CYSLTR2: variants seen among roughly 807,000 people sequenced by gnomAD.
CYSLTR2 encodes G-protein coupled receptor GPCR21.
For synonymous variants in CYSLTR2, 179 were observed against 160.8 expected, an observed-to-expected ratio of 1.11 and a Z score of -0.86; for missense variants, 398 against 411.9, an observed-to-expected ratio of 0.97 and a Z score of 0.29.
Position 48,706,845 on chromosome 13 carries a change from C to T in CYSLTR2, c.28C>T (p.Pro10Ser). ...GGAGAGAAAATTTATGTCCTTGCAA[C>T]CATCCATCTCCGTATCAGAAATGGA... MERKFMSLQ[P>S]SISVSEMEPN... The change falls in exon 5 of 5, where the codon CCA becomes TCA. Residue 10 changes from proline (P) to serine (S), a missense_variant. Coordinates refer to ENST00000682523, the MANE Select transcript of CYSLTR2 (RefSeq NM_001308476.3). 6.2e-7 allele frequency: 1 copy of T among 1,613,206 alleles called. No homozygotes were observed. Among genetic ancestry groups the T allele is most frequent in the Non-Finnish European group, 8.5e-7 (1 of 1,179,314 alleles).
In CYSLTR2 at chr13:48,707,441, G is replaced by A. The variant is rs1300404248; in HGVS notation, c.624G>A (p.Val208=). ...LQTMNYIALV[V]GCLLPFFTLS... is the part of the protein sequence containing the mutation. ...CCATGAACTATATTGCCTTGGTGGT[G>A]GGCTGCCTGCTGCCATTTTTCACAC... The change falls in exon 5 of 5, where the codon GTG becomes GTA. Residue 208 remains valine (V), a synonymous_variant. Transcript: ENST00000682523. 6.2e-7 allele frequency: 1 copy of A among 1,613,844 alleles called. No individual in the cohort carries two copies. The highest frequency in any genetic ancestry group is 1.3e-5 in the African/African-American group (1 of 74,882).
In CYSLTR2 at chr13:48,707,947, C is replaced by A; in HGVS notation, c.*89C>A. ...AAATGACTTTGTATTTACATCACTC[C>A]CAACAAATGTTGATTCTTAATATTT... On this transcript the variant is annotated 3_prime_UTR_variant, in exon 5 of 5. Coordinates refer to ENST00000682523, the MANE Select transcript of CYSLTR2 (RefSeq NM_001308476.3). 1 of 1,080,336 alleles carries A rather than the reference C, an allele frequency of 9.3e-7. No homozygotes were observed. The highest frequency in any genetic ancestry group is 1.3e-6 in the Non-Finnish European group (1 of 785,126). The allele number at this position is 1,080,336 out of a possible 1,614,324, so 66.9% of individuals were successfully genotyped here. A position where few individuals can be genotyped will look rare whatever the true frequency, so the allele number is the denominator to read the frequency against.
rs188778216 is a variant in CYSLTR2 at position 48,661,342 on chromosome 13, G to A, written c.-266+7325G>A. On this transcript the variant is annotated intron_variant, in intron 1 of 4. Transcript: ENST00000682523. ...TAGAGGTAGTCCGTGAACAAATCAG[G>A]ATTTAAATCCTGAGGTTGCTGCTCT... 7.2e-5 allele frequency among the ~76,000 whole-genome samples: 11 copies of A among 152,148 alleles called. No homozygotes were observed. In the East Asian group the frequency reaches 1.7e-3, roughly 24 times the overall value.
intron 1 of CYSLTR2, among the ~76,000 whole-genome samples, chr13:48,684,113 CG>C (rs367983021): frequency 0.012 from 1,794 of 151,314 alleles, 38 homozygotes; most frequent in African/African-American, 0.039. Flanking sequence ...TTGTAGAGAT[CG>C]GGGGGGGTCT....
intron 1 of CYSLTR2, among the ~76,000 whole-genome samples, chr13:48,690,633 A>G (rs941986487): frequency 6.6e-6 from 1 of 152,128 alleles, no homozygotes; most frequent in Non-Finnish European, 1.5e-5. Context: ...AAGCTTTTTG[A>G]TGTGCTGCTG....
intron 4 of CYSLTR2, among the ~76,000 whole-genome samples, chr13:48,700,112 C>T (rs958258432): frequency 6.6e-6 from 1 of 152,184 alleles, no homozygotes; most frequent in South Asian, 2.1e-4. Flanking sequence ...TGGTACCATT[C>T]CTTCTGAAAC....
At chr13:48,687,139 G>A (rs1245058147) in intron 1 of CYSLTR2, among the ~76,000 whole-genome samples, 1 of 152,054 alleles carries the variant, frequency 6.6e-6, no homozygotes, top group Non-Finnish European at 1.5e-5. Flanking sequence ...AGGACTCTAG[G>A]GCTTTCACCA....
chr13:48,703,676 C>T (rs1450677588), intron 4 of CYSLTR2, among the ~76,000 whole-genome samples: 1 of 152,080 alleles, frequency 6.6e-6, no homozygotes, highest in African/African-American at 2.4e-5. Flanking sequence ...GATATTCATC[C>T]ATAGTCTTTT....
At chr13:48,667,728 T>C (rs776327877) in intron 1 of CYSLTR2, among the ~76,000 whole-genome samples, 3 of 152,228 alleles carry the variant, frequency 2.0e-5, no homozygotes, top group Non-Finnish European at 2.9e-5. Flanking sequence ...CTATGATTTA[T>C]AAAAAGCATC....
At chr13:48,674,258 C>A (rs1195823587) in intron 1 of CYSLTR2, among the ~76,000 whole-genome samples, 1 of 152,128 alleles carries the variant, frequency 6.6e-6, no homozygotes, top group African/African-American at 2.4e-5. Flanking sequence ...TTCAGGTACA[C>A]CAATCAGATG....
Position 48,710,176 on chromosome 13 carries a change from G to A in CYSLTR2, c.*2318G>A, listed in dbSNP as rs978856167. On this transcript the variant is annotated 3_prime_UTR_variant, in exon 5 of 5. Coordinates refer to ENST00000682523, the MANE Select transcript of CYSLTR2 (RefSeq NM_001308476.3). ...ATTATCTGTGGTTTTGCTTTCTGCAGTTCAGTTACAGCCAGCCAGTCTGAA... is the reference window on the plus strand; with the variant it reads ...ATTATCTGTGGTTTTGCTTTCTGCAATTCAGTTACAGCCAGCCAGTCTGAA... 13 of 152,244 alleles carry A rather than the reference G, an allele frequency of 8.5e-5. No homozygotes were observed. Among genetic ancestry groups the A allele is most frequent in the African/African-American group, 3.1e-4 (13 of 41,464 alleles). 9.4% of individuals were successfully genotyped at this position (152,244 alleles called of 1,614,324 possible). A position where few individuals can be genotyped will look rare whatever the true frequency, so the allele number is the denominator to read the frequency against.
intron 4 of CYSLTR2, among the ~76,000 whole-genome samples, chr13:48,703,530 A>G (rs1771872718): frequency 1.3e-5 from 2 of 152,132 alleles, no homozygotes; most frequent in Non-Finnish European, 2.9e-5. Flanking sequence ...TTGTGAATGG[A>G]TATTGAATTT....
chr13:48,702,734 C>T (rs1954383225), intron 4 of CYSLTR2, among the ~76,000 whole-genome samples: 1 of 152,142 alleles, frequency 6.6e-6, no homozygotes, highest in Admixed American at 6.5e-5. Flanking sequence ...ACTGATTCTT[C>T]CCACTTCAAT....
intron 1 of CYSLTR2, among the ~76,000 whole-genome samples, chr13:48,679,623 A>T (rs1458696251): frequency 6.6e-6 from 1 of 152,200 alleles, no homozygotes; most frequent in Non-Finnish European, 1.5e-5. Context: ...AGTAGCAAGG[A>T]TTGTTTGAGG....
intron 1 of CYSLTR2, among the ~76,000 whole-genome samples, chr13:48,664,743 G>C (rs1310398721): frequency 6.6e-6 from 1 of 151,498 alleles, no homozygotes; most frequent in Non-Finnish European, 1.5e-5. Flanking sequence ...TTAGCTAGTG[G>C]TTTGTCCATT....
chr13:48,681,554 G>C (rs543012351), intron 1 of CYSLTR2, among the ~76,000 whole-genome samples: 10 of 152,238 alleles, frequency 6.6e-5, no homozygotes, highest in African/African-American at 2.4e-4. Flanking sequence ...CTTATTGCTG[G>C]GGTCTGTTTT....
At chr13:48,654,330 C>T (rs953001896) in intron 1 of CYSLTR2, among the ~76,000 whole-genome samples, 17 of 133,006 alleles carry the variant, frequency 1.3e-4, no homozygotes, top group African/African-American at 2.3e-4. Flanking sequence ...TGTGTGTATG[C>T]ACATATAACT....
intron 1 of CYSLTR2, among the ~76,000 whole-genome samples, chr13:48,670,760 G>A (rs1308237715): frequency 2.0e-5 from 3 of 152,076 alleles, no homozygotes; most frequent in African/African-American, 7.2e-5. Context: ...TGGCTACATA[G>A]GCTCTTTTAT....
At chr13:48,659,136 A>G (rs1455648647) in intron 1 of CYSLTR2, among the ~76,000 whole-genome samples, 3 of 151,962 alleles carry the variant, frequency 2.0e-5, no homozygotes, top group African/African-American at 7.3e-5. Flanking sequence ...GGGCAGCAGG[A>G]CAAGCAGGAG....
Sources: allele counts gnomAD v4.1 joint callset (sites outside exome capture counted in the v4.1 genomes callset), GRCh38; gene constraint gnomAD v4.1.1; transcripts MANE v1.5; gene names NCBI Gene and HGNC (gene_info 2026-07-23, HGNC 2026-07-21).